The following ATP13A1 variants were observed in gnomAD, a reference collection of about 807,000 sequenced individuals.
ATP13A1 encodes the protein ATPase 13A1, also known as endoplasmic reticulum transmembrane helix translocase.
ATP13A1 carries 55 observed loss-of-function variants against 134.8 expected under a neutral mutation model. The ratio of observed to expected loss-of-function variants is 0.41; its 90% CI spans 0.33 to 0.51. The LOEUF is 0.51. Among genes scored for constraint, ATP13A1 ranks in the 20% least tolerant of loss-of-function variants. The pLI is 0.29. For synonymous variants in ATP13A1, 775 were observed against 725.1 expected (o/e 1.07, Z -1.10); for missense variants, 1,389 against 1,652.8 (o/e 0.84, Z 2.77).
chr19:19,659,134 TCA>T (rs2062078338), intron 3 of ATP13A1, among the ~76,000 whole-genome samples: 1 of 151,674 alleles, frequency 6.6e-6, no homozygotes, highest in South Asian at 2.1e-4. Context: ...TCAAGCGGCA[TCA>T]CAGTCACCTG....
In ATP13A1 at chr19:19,663,672, C is replaced by T. The variant is rs1360355664; in HGVS notation, c.-6G>A. On this transcript the variant is annotated 5_prime_UTR_variant, in exon 1 of 26. Transcript: ENST00000357324. ...ACCGCCGCCGCTGCCGCCATCTTTCCTAGCGCCGCGCTCACTTCCGGGCAG... is the reference window on the plus strand; with the variant it reads ...ACCGCCGCCGCTGCCGCCATCTTTCTTAGCGCCGCGCTCACTTCCGGGCAG... The T allele has an allele frequency of 1.9e-5, 24 of 1,281,010 alleles. No homozygotes were observed. Among genetic ancestry groups the T allele is most frequent in the South Asian group, 5.1e-5 (2 of 39,196 alleles). The allele number at this position is 1,281,010 out of a possible 1,614,324, so 79.4% of individuals were successfully genotyped here.
Position 19,655,208 on chromosome 19 carries a change from G to T in ATP13A1, c.1566C>A (p.Pro522=), listed in dbSNP as rs763122442. 2.7e-5 allele frequency: 44 copies of T among 1,613,904 alleles called. No homozygotes were observed. Among genetic ancestry groups the T allele is most frequent in the East Asian group, 8.9e-5 (4 of 44,894 alleles). Residue 522 remains proline (P), a synonymous_variant, in exon 12 of 26, where the codon CCC becomes CCA. Coordinates refer to ENST00000357324, the MANE Select transcript of ATP13A1 (RefSeq NM_020410.3). The surrounding 1 kb of genome is among the most constrained non-coding windows in gnomAD (Gnocchi z 5.7). ...YMYCTEPFRI[P]FAGKVEVCCF... The stretch of plus-strand genomic sequence containing the variant: ...AGCACACCTCGACCTTGCCAGCAAA[G>T]GGGATCCGGAAGGGCTCTGTGCAGT...
rs895263454 is a variant in ATP13A1, at chr19:19,652,933, C to T, written c.2101-213G>A. On this transcript the variant is annotated intron_variant, in intron 15 of 25. Coordinates refer to ENST00000357324, the MANE Select transcript of ATP13A1 (RefSeq NM_020410.3). ...CTGGCAGTGACTGGGGGGTCTGGGT[C>T]CCCCGAATGTGGCTCTATGTCCTGC... The T allele has an allele frequency of 9.5e-6, 6 of 628,686 alleles. No individual in the cohort carries two copies. In the Admixed American group the frequency reaches 1.3e-4, roughly 14 times the overall value. 38.9% of individuals were successfully genotyped at this position (628,686 alleles called of 1,614,324 possible).
At position 19,659,648 on chromosome 19, in the gene ATP13A1, C is replaced by G; in HGVS notation, c.630G>C (p.Gln210His). Residue 210 changes from glutamine (Q) to histidine (H), a missense_variant, in exon 3 of 26, where the codon CAG (glutamine) becomes CAC (histidine). By Grantham distance (24) the Gln-to-His change is conservative. Transcript: ENST00000357324. ...FSYYQSNRGFQEDSEIRAAEK... is the reference protein window; with the variant it reads ...FSYYQSNRGFHEDSEIRAAEK... ...CAGCTGCTCGGATCTCTGAGTCTTC[C>G]TGGAAGCCTCTGTTGCTCTGATAGT... 1 of 1,613,848 alleles carries G rather than the reference C, an allele frequency of 6.2e-7. No individual in the cohort carries two copies. The highest frequency in any genetic ancestry group is 8.5e-7 in the Non-Finnish European group (1 of 1,179,794).
chr19:19,657,023 T>G lies in ATP13A1; in HGVS notation c.877A>C (p.Lys293Gln). The G allele has an allele frequency of 6.3e-7, 1 of 1,580,264 alleles. No homozygotes were observed. ...QQMRNMSEIR[K>Q]MGNKPHMIQV... ...ATCATGTGGGGCTTGTTGCCCATCT[T>G]CCGGATCTCCGACATGTTCCGCATC... Residue 293 changes from lysine (K) to glutamine (Q), a missense_variant, in exon 5 of 26, where the codon AAG becomes CAG. Coordinates refer to ENST00000357324, the MANE Select transcript of ATP13A1 (RefSeq NM_020410.3).
At chr19:19,652,839 G>C in intron 15 of ATP13A1, 119 bp from the exon 16 acceptor site, 1 of 1,352,274 alleles carries the variant, frequency 7.4e-7, no homozygotes, top group Admixed American at 2.5e-5. Flanking sequence ...TGTTCCCGTA[G>C]TGGGCACATG....
At chr19:19,652,893 C>G in intron 15 of ATP13A1, 173 bp from the exon 16 acceptor site, 1 of 915,664 alleles carries the variant, frequency 1.1e-6, no homozygotes, top group Non-Finnish European at 1.6e-6. Flanking sequence ...ACCAGGCACG[C>G]TTGAGGGGTG....
At position 19,645,664 on chromosome 19, in the gene ATP13A1, C is replaced by T. The variant is rs1458867201; in HGVS notation, c.3487G>A (p.Val1163Met). The change falls in exon 25 of 26, where the codon GTG (valine) becomes ATG (methionine). Residue 1163 changes from valine to methionine, a missense_variant. Around this residue, in one of 4 missense-constraint regions of ATP13A1, gnomAD observed 228 missense variants for 321.0 expected, o/e 0.71. Coordinates refer to ENST00000357324, the MANE Select transcript of ATP13A1 (RefSeq NM_020410.3). The surrounding 1 kb of genome is among the most constrained non-coding windows in gnomAD (Gnocchi z 4.1). ...SPDFNSQFGL[V>M]DIPVEFKLVI... The stretch of plus-strand genomic sequence containing the variant: ...CCACTGACCTCCACAGGGATGTCCA[C>T]GAGGCCAAACTGGCTGTTGAAGTCG... 3 of 1,571,906 alleles carry T rather than the reference C, an allele frequency of 1.9e-6. No homozygotes were observed. The highest frequency in any genetic ancestry group is 2.6e-6 in the Non-Finnish European group (3 of 1,158,836).
At chr19:19,654,467 G>T in intron 13 of ATP13A1, 76 bp downstream of exon 13, 1 of 1,491,172 alleles carries the variant, frequency 6.7e-7, no homozygotes, top group Non-Finnish European at 8.9e-7. Flanking sequence ...GATGCTCTGA[G>T]GGGTGCAGCC....
Position 19,653,892 on chromosome 19 carries a change from G to A in ATP13A1, c.1992C>T (p.Phe664=), listed in dbSNP as rs1257303219. The A allele has an allele frequency of 6.4e-7, 1 of 1,567,726 alleles. No individual in the cohort carries two copies. Among genetic ancestry groups the A allele is most frequent in the South Asian group, 1.2e-5 (1 of 85,204 alleles). ...GGTGGTAGTCGGGCGGGCACTGGGAGAACTGCAGGGAATGCAGGGGGATGT... is the reference window on the plus strand; with the variant it reads ...GGTGGTAGTCGGGCGGGCACTGGGAAAACTGCAGGGAATGCAGGGGGATGT... ...KGAPETLHSM[F]SQCPPDYHHI... Residue 664 remains phenylalanine, a splice_region_variant and synonymous_variant, in exon 15 of 26, where the codon TTC becomes TTT. Coordinates refer to ENST00000357324, the MANE Select transcript of ATP13A1 (RefSeq NM_020410.3). The surrounding 1 kb of genome is among the most constrained non-coding windows in gnomAD (Gnocchi z 4.2).
chr19:19,646,925 T>G (rs1000731578), intron 22 of ATP13A1: 11 of 601,066 alleles, frequency 1.8e-5, no homozygotes, highest in South Asian at 1.3e-4. Context: ...TGGACAGGTG[T>G]GGACGCCAAG....
Position 19,657,166 on chromosome 19 carries a change from T to C in ATP13A1, c.751-17A>G. On this transcript the variant is annotated splice_polypyrimidine_tract_variant and intron_variant, in intron 4 of 25. Transcript: ENST00000357324. Reference sequence around the variant, plus strand: ...ACAGAACACCTGTGGGATACCAGCCTGTCTGTCCTTGCCCTACCCGCCCTG... The same window carrying C: ...ACAGAACACCTGTGGGATACCAGCCCGTCTGTCCTTGCCCTACCCGCCCTG... The C allele has an allele frequency of 6.7e-7, 1 of 1,498,978 alleles. No individual in the cohort carries two copies. The highest frequency in any genetic ancestry group is 8.9e-7 in the Non-Finnish European group (1 of 1,124,688). The allele number at this position is 1,498,978 out of a possible 1,614,324, so 92.9% of individuals were successfully genotyped here.
At chr19:19,649,474 G>A (rs1355804808) in intron 19 of ATP13A1, 93 bp downstream of exon 19, 21 of 1,338,070 alleles carry the variant, frequency 1.6e-5, no homozygotes, top group African/African-American at 5.8e-5. Flanking sequence ...TGCCCCCGTG[G>A]CTGTCACCAA....
At chr19:19,658,393 T>C (rs1384603955) in intron 3 of ATP13A1, among the ~76,000 whole-genome samples, 1 of 152,166 alleles carries the variant, frequency 6.6e-6, no homozygotes, top group Admixed American at 6.6e-5. Context: ...GCTGGGTACC[T>C]TTGCGTTGAG....
chr19:19,663,608 A>ACCCCGCAAGGCCGGG lies in ATP13A1; in HGVS notation c.44_58dup (p.Ala15_Gly19dup), dbSNP rs1222300934. The ACCCCGCAAGGCCGGG allele has an allele frequency of 8.7e-5, 124 of 1,418,324 alleles. No homozygotes were observed. Among genetic ancestry groups the ACCCCGCAAGGCCGGG allele is most frequent in the Non-Finnish European group, 1.1e-4 (122 of 1,096,608 alleles). The allele number at this position is 1,418,324 out of a possible 1,614,324, so 87.9% of individuals were successfully genotyped here. On this transcript the variant is annotated inframe_insertion, in exon 1 of 26. Coordinates refer to ENST00000357324, the MANE Select transcript of ATP13A1 (RefSeq NM_020410.3). ...GGGCTTGGGCTGCCCGTCAGGCCGG[A>ACCCCGCAAGGCCGGG]CCCCGCAAGGCCGGGCCCCGCAGGG... is the stretch of plus-strand genomic sequence containing the variant.
In ATP13A1 at chr19:19,657,134, G is replaced by A; in HGVS notation, c.766C>T (p.Leu256Phe). The A allele has an allele frequency of 6.6e-7, 1 of 1,509,990 alleles. No individual in the cohort carries two copies. The highest frequency in any genetic ancestry group is 8.9e-7 in the Non-Finnish European group (1 of 1,129,760). 93.5% of individuals were successfully genotyped at this position (1,509,990 alleles called of 1,614,324 possible). The change falls in exon 5 of 26, where the codon CTC (leucine) becomes TTC (phenylalanine). Residue 256 changes from leucine to phenylalanine, a missense_variant. Physicochemically the swap from Leu to Phe is conservative, Grantham distance 22. Around this residue, in one of 4 missense-constraint regions of ATP13A1, gnomAD observed 747 missense variants for 956.1 expected, o/e 0.78. Transcript: ENST00000357324. ...FFVFQVFCVG[L>F]WCLDEYWYYS... is the part of the protein sequence containing the mutation. ...TACCAGTACTCATCCAGGCACCAGA[G>A]CCCCACACAGAACACCTGTGGGATA... is the stretch of plus-strand genomic sequence containing the variant.
chr19:19,656,932 G>T lies in ATP13A1; in HGVS notation c.907-16C>A, dbSNP rs1223646074. On this transcript the variant is annotated splice_polypyrimidine_tract_variant and intron_variant, in intron 5 of 25. Coordinates refer to ENST00000357324, the MANE Select transcript of ATP13A1 (RefSeq NM_020410.3). The surrounding 1 kb of genome is among the most constrained non-coding windows in gnomAD (Gnocchi z 4.6). Reference sequence around the variant, plus strand: ...TTCGGTAGACCTGGGCGGGGCATGGGTGTCAGCACAGAAGCCGCACCTGTG... The same window carrying T: ...TTCGGTAGACCTGGGCGGGGCATGGTTGTCAGCACAGAAGCCGCACCTGTG... 5 of 1,608,060 alleles carry T rather than the reference G, an allele frequency of 3.1e-6. No individual in the cohort carries two copies. Among genetic ancestry groups the T allele is most frequent in the Non-Finnish European group, 4.2e-6 (5 of 1,177,740 alleles).
rs1343550013 is a variant in ATP13A1, at chr19:19,645,659, G to A, written c.3492C>T (p.Asp1164=). The part of the protein sequence containing the change: ...PDFNSQFGLV[D]IPVEFKLVIA... ...CAGGGCCACTGACCTCCACAGGGAT[G>A]TCCACGAGGCCAAACTGGCTGTTGA... is the stretch of plus-strand genomic sequence containing the variant. Residue 1164 remains aspartate (D), a synonymous_variant, in exon 25 of 26, where the codon GAC becomes GAT. Coordinates refer to ENST00000357324, the MANE Select transcript of ATP13A1 (RefSeq NM_020410.3). This position sits in a 1 kb window ranked among gnomAD's most constrained non-coding sequence, Gnocchi z 4.1. 6 of 1,570,794 alleles carry A rather than the reference G, an allele frequency of 3.8e-6. No homozygotes were observed. Among genetic ancestry groups the A allele is most frequent in the Non-Finnish European group, 5.2e-6 (6 of 1,158,230 alleles).
chr19:19,654,552 G>C lies in ATP13A1; in HGVS notation c.1804C>G (p.Leu602Val). The change falls in exon 13 of 26, where the codon CTG (leucine) becomes GTG (valine). Residue 602 changes from leucine (L) to valine (V), a missense_variant. By Grantham distance (32) the Leu-to-Val change is conservative. This residue lies in a region of ATP13A1 where 747 missense variants were observed against 956.1 expected (regional missense o/e 0.78). Coordinates refer to ENST00000357324, the MANE Select transcript of ATP13A1 (RefSeq NM_020410.3). ...KAMLTAVDWT[L>V]TKDEKVFPRS... ...GGCCCCAGCCCCTCACCTTTGGTCA[G>C]CGTCCAGTCCACGGCCGTCAGCATG... The C allele has an allele frequency of 6.2e-7, 1 of 1,608,116 alleles. No individual in the cohort carries two copies. Among genetic ancestry groups the C allele is most frequent in the South Asian group, 1.1e-5 (1 of 90,642 alleles).
Sources: gnomAD v4.1 joint callset for allele counts (sites outside exome capture counted in the v4.1 genomes callset) on GRCh38, gnomAD v4.1.1 for gene constraint, gnomAD v4.1.1 regional missense constraint, Gnocchi (gnomAD v3.1) non-coding constraint, MANE v1.5 for transcripts, NCBI Gene and HGNC (gene_info 2026-07-23, HGNC 2026-07-21) for gene names.